Variants in CTNNA3 observed in about 807,000 individuals in gnomAD.
The protein encoded by CTNNA3 is catenin alpha-3.
A neutral mutation model predicts 95.7 loss-of-function variants in CTNNA3; 76 were observed. The ratio of observed to expected loss-of-function variants is 0.79; its 90% CI spans 0.66 to 0.96. CTNNA3 has a LOEUF of 0.96. Ranked by LOEUF, CTNNA3 falls within the 40% of genes least tolerant of loss-of-function variation. The pLI is 0.00. For missense variants in CTNNA3, 1,191 were observed against 1,089.8 expected (o/e 1.09, Z -1.31); for synonymous variants, 431 against 374.4 (o/e 1.15, Z -1.74).
chr10:66,228,213 T>C (rs1319118744), intron 13 of CTNNA3, among the ~76,000 whole-genome samples: 1 of 152,036 alleles, frequency 6.6e-6, no homozygotes, highest in African/African-American at 2.4e-5. Flanking sequence ...ATCTACTAAG[T>C]TGGGTTTGGT....
chr10:66,562,068 T>C (rs559897001), intron 10 of CTNNA3, among the ~76,000 whole-genome samples: 68 of 152,166 alleles, frequency 4.5e-4, no homozygotes, highest in African/African-American at 1.4e-3. Context: ...CAGAAATTAC[T>C]ATGAAAACCT....
chr10:67,518,454 A>G (rs1261049846), intron 5 of CTNNA3, among the ~76,000 whole-genome samples: 1 of 152,140 alleles, frequency 6.6e-6, no homozygotes, highest in African/African-American at 2.4e-5. Context: ...AGAGACAAGA[A>G]TCAGATACGT....
intron 12 of CTNNA3, among the ~76,000 whole-genome samples, chr10:66,331,731 A>G (rs2092333272): frequency 6.6e-6 from 1 of 151,922 alleles, no homozygotes; most frequent in Non-Finnish European, 1.5e-5. Context: ...GAAGTCAGGT[A>G]GCGTGATGCC....
At chr10:66,412,045 C>A (rs1911490) in intron 11 of CTNNA3, among the ~76,000 whole-genome samples, 1 of 151,806 alleles carries the variant, frequency 6.6e-6, no homozygotes, top group African/African-American at 2.4e-5. Flanking sequence ...AAGTTTCCTA[C>A]GGCAAAATTG....
chr10:67,159,819 C>A (rs1208278445), intron 7 of CTNNA3, among the ~76,000 whole-genome samples: 1 of 152,042 alleles, frequency 6.6e-6, no homozygotes, highest in Non-Finnish European at 1.5e-5. Context: ...GCAATAATTT[C>A]TTGGGTATGA....
rs535535965 is a variant in CTNNA3, at chr10:67,718,043, T to C, written c.-2+45391A>G. 5.9e-5 allele frequency among the ~76,000 whole-genome samples: 9 copies of C among 152,222 alleles called. No individual in the cohort carries two copies. In the South Asian group the frequency reaches 1.9e-3, roughly 32 times the overall value. On this transcript the variant is annotated intron_variant, in intron 1 of 17. Coordinates refer to the CTNNA3 transcript ENST00000684154. Reference sequence around the variant, plus strand: ...TGAAGAGGTCCTCACACATCCCTTGTAAGTTGTATTCCTAGATATTTCATT... The same window carrying C: ...TGAAGAGGTCCTCACACATCCCTTGCAAGTTGTATTCCTAGATATTTCATT...
chr10:66,281,313 C>A (rs1450077718), intron 12 of CTNNA3, among the ~76,000 whole-genome samples: 1 of 151,856 alleles, frequency 6.6e-6, no homozygotes, highest in Non-Finnish European at 1.5e-5. Context: ...AATAAAAACG[C>A]TTCTTCAATT....
intron 13 of CTNNA3, among the ~76,000 whole-genome samples, chr10:66,235,182 G>A (rs1053808171): frequency 1.3e-5 from 2 of 152,138 alleles, no homozygotes; most frequent in Admixed American, 1.3e-4. Context: ...AAAATGAGAG[G>A]TAATAAATAT....
chr10:66,234,768 T>C (rs984633467), intron 13 of CTNNA3, among the ~76,000 whole-genome samples: 2 of 152,202 alleles, frequency 1.3e-5, no homozygotes, highest in African/African-American at 4.8e-5. Flanking sequence ...CTCCCTTCTC[T>C]TGAGTATAGG....
chr10:67,727,158 TATATA>T lies in CTNNA3; in HGVS notation c.-2+36271_-2+36275del, dbSNP rs200789464. Among the ~76,000 whole-genome samples, 870 of 122,716 alleles carry T rather than the reference TATATA, an allele frequency of 7.1e-3. 20 individuals are homozygous for T. Among genetic ancestry groups the T allele is most frequent in the African/African-American group, 0.024 (790 of 32,280 alleles). 80.5% of individuals were successfully genotyped at this position (122,716 alleles called of 152,430 possible). A position where few individuals can be genotyped will look rare whatever the true frequency, so the allele number is the denominator to read the frequency against. Reference sequence around the variant, plus strand: ...ATATGATACATATATTATATAATTATATATAATATATGATACATATATTATATATA... The same window carrying T: ...ATATGATACATATATTATATAATTATATATATGATACATATATTATATATA... On this transcript the variant is annotated intron_variant, in intron 1 of 17. Coordinates refer to the CTNNA3 transcript ENST00000684154.
chr10:66,138,976 T>A (rs2083479371), intron 13 of CTNNA3, among the ~76,000 whole-genome samples: 1 of 152,216 alleles, frequency 6.6e-6, no homozygotes, highest in South Asian at 2.1e-4. Flanking sequence ...TTCTTCACAA[T>A]TTCAAATTTC....
chr10:67,653,135 G>T (rs1375318970), intron 1 of CTNNA3, among the ~76,000 whole-genome samples: 2 of 152,212 alleles, frequency 1.3e-5, no homozygotes, highest in Non-Finnish European at 2.9e-5. Flanking sequence ...ATGGCAGAAG[G>T]CAAGGTGGGG....
chr10:66,485,337 C>T (rs568952344), intron 11 of CTNNA3, among the ~76,000 whole-genome samples: 25 of 152,000 alleles, frequency 1.6e-4, no homozygotes, highest in African/African-American at 5.3e-4. Context: ...TATGGTAAGA[C>T]CTAAATTTTT....
At chr10:67,595,543 T>C (rs1459191026) in intron 3 of CTNNA3, among the ~76,000 whole-genome samples, 2 of 152,206 alleles carry the variant, frequency 1.3e-5, no homozygotes, top group African/African-American at 4.8e-5. Context: ...TGAGAATTGC[T>C]TTATAGCTGA....
chr10:66,111,853 A>G (rs956225258), intron 13 of CTNNA3, among the ~76,000 whole-genome samples: 2 of 152,174 alleles, frequency 1.3e-5, no homozygotes, highest in Non-Finnish European at 2.9e-5. Flanking sequence ...TGTCCTAACT[A>G]AACTAGTTGT....
intron 3 of CTNNA3, among the ~76,000 whole-genome samples, chr10:67,569,182 T>C (rs74680774): frequency 1.7e-3 from 253 of 152,288 alleles, no homozygotes; most frequent in Non-Finnish European, 3.0e-3. Flanking sequence ...TTCCATAATG[T>C]TCTCTTGAAA....
intron 11 of CTNNA3, among the ~76,000 whole-genome samples, chr10:66,483,766 T>C (rs1166096285): frequency 6.6e-6 from 1 of 152,136 alleles, no homozygotes; most frequent in Non-Finnish European, 1.5e-5. Flanking sequence ...CTAACACCAA[T>C]GGCAATTCTC....
rs778991249 is a variant in CTNNA3, at chr10:67,566,033, ATGTG to A, written c.293-26368_293-26365del. On this transcript the variant is annotated intron_variant, in intron 3 of 17. Transcript: ENST00000433211. ...CACACACAAACACACACACACACAT[ATGTG>A]TGTGTGTATATATATATATATATAT... Among the ~76,000 whole-genome samples, 54 of 59,854 alleles carry A rather than the reference ATGTG, an allele frequency of 9.0e-4. 5 individuals are homozygous for A. In the East Asian group the frequency reaches 0.018, roughly 20 times the overall value. The allele number at this position is 59,854 out of a possible 152,430, so 39.3% of individuals were successfully genotyped here.
intron 13 of CTNNA3, among the ~76,000 whole-genome samples, chr10:66,243,478 T>C (rs1449624029): frequency 6.6e-6 from 1 of 152,184 alleles, no homozygotes; most frequent in African/African-American, 2.4e-5. Flanking sequence ...AACCCAGACA[T>C]TCCTTTTTTT....
Sources: gnomAD v4.1 joint callset for allele counts (sites outside exome capture counted in the v4.1 genomes callset) on GRCh38, gnomAD v4.1.1 for gene constraint, MANE v1.5 for transcripts, NCBI Gene and HGNC (gene_info 2026-07-23, HGNC 2026-07-21) for gene names.